The following TPH1 variants were observed in gnomAD, a reference collection of about 807,000 sequenced individuals.
The protein encoded by TPH1 is tryptophan 5-hydroxylase 1.
Under a neutral mutation model 49.5 loss-of-function variants are expected in TPH1, and 37 were observed. That is an observed-to-expected ratio of 0.75 (90% CI 0.58 to 0.98). TPH1 has a LOEUF of 0.98. Among genes scored for constraint, TPH1 ranks in the 50% least tolerant of loss-of-function variants. TPH1 has a pLI of 0.00. For missense variants in TPH1, 487 were observed against 523.6 expected (o/e 0.93, Z 0.68); for synonymous variants, 160 against 182.1 (o/e 0.88, Z 0.98).
At chr11:18,023,382 G>T (rs1854385507) in intron 9 of TPH1, among the ~76,000 whole-genome samples, 1 of 152,038 alleles carries the variant, frequency 6.6e-6, no homozygotes, top group South Asian at 2.1e-4. Flanking sequence ...AAATCTCAAA[G>T]AATTCCCTAG....
intron 6 of TPH1, among the ~76,000 whole-genome samples, chr11:18,028,462 T>G (rs1478635443): frequency 6.6e-6 from 1 of 152,228 alleles, no homozygotes; most frequent in Non-Finnish European, 1.5e-5. Context: ...GCCAAAAGCT[T>G]GAAGTTTCTA....
At chr11:18,040,952 A>C in intron 1 of TPH1, 164 bp from the exon 2 acceptor site, 1 of 579,348 alleles carries the variant, frequency 1.7e-6, no homozygotes, top group Non-Finnish European at 2.9e-6. Context: ...AGACCAAAAT[A>C]AGATACAACT....
chr11:18,029,156 G>C lies in TPH1; in HGVS notation c.667+9C>G, dbSNP rs746281225. 1 of 1,587,574 alleles carries C rather than the reference G, an allele frequency of 6.3e-7. No individual in the cohort carries two copies. Among genetic ancestry groups the C allele is most frequent in the South Asian group, 1.1e-5 (1 of 90,458 alleles). On this transcript the variant is annotated intron_variant, in intron 6 of 10. Coordinates refer to ENST00000682019, the MANE Select transcript of TPH1 (RefSeq NM_004179.3). ...CAACTCCCTTACAAAAAATTAATTAGCTTATTACCTTTTAAAAAGTTGGAG... is the reference window on the plus strand; with the variant it reads ...CAACTCCCTTACAAAAAATTAATTACCTTATTACCTTTTAAAAAGTTGGAG...
chr11:18,021,235 G>C, intron 10 of TPH1, 70 bp from the exon 11 acceptor site: 1 of 1,485,628 alleles, frequency 6.7e-7, no homozygotes, highest in Middle Eastern at 1.8e-4. Context: ...ACAAACAACA[G>C]AATATATTTC....
chr11:18,021,539 C>T (rs1320792909), intron 10 of TPH1, among the ~76,000 whole-genome samples: 2 of 152,124 alleles, frequency 1.3e-5, no homozygotes, highest in African/African-American at 4.8e-5. Flanking sequence ...TGTTTCATTA[C>T]AACACTTAAC....
intron 1 of TPH1, 41 bp from the exon 2 acceptor site, chr11:18,040,829 T>C (rs1363359247): frequency 2.6e-6 from 4 of 1,564,682 alleles, no homozygotes; most frequent in Non-Finnish European, 3.5e-6. Flanking sequence ...AAAAAGAAGT[T>C]GCACAATGCA....
chr11:18,037,687 T>C (rs1287897508), intron 2 of TPH1, among the ~76,000 whole-genome samples: 1 of 152,218 alleles, frequency 6.6e-6, no homozygotes. Flanking sequence ...AAAATCTCAA[T>C]GGAATTTGGT....
chr11:18,035,859 G>C (rs866780449), intron 3 of TPH1, 100 bp downstream of exon 3: 8 of 1,021,752 alleles, frequency 7.8e-6, no homozygotes, highest in Middle Eastern at 6.1e-4. Flanking sequence ...AATTTGGAGA[G>C]CTTGTGTTTT....
At chr11:18,045,930 C>T (rs571606235) in intron 1 of TPH1, among the ~76,000 whole-genome samples, 15 of 152,174 alleles carry the variant, frequency 9.9e-5, no homozygotes, top group Non-Finnish European at 2.1e-4. Flanking sequence ...ACTCTGGACC[C>T]CACTTTCCTC....
chr11:18,041,667 A>C (rs2134035856), intron 1 of TPH1, among the ~76,000 whole-genome samples: 1 of 152,362 alleles, frequency 6.6e-6, no homozygotes, highest in South Asian at 2.1e-4. Flanking sequence ...AAATTTAACT[A>C]ACATTTATGA....
rs775600685 is a variant in TPH1 at position 18,040,740 on chromosome 11, T to C, written c.23A>G (p.Asn8Ser). MIEDNKE[N>S]KDHSLERGRA... is the part of the protein sequence containing the mutation. The stretch of plus-strand genomic sequence containing the variant: ...TCCCCTTTCTAAGGAATGGTCTTTG[T>C]TCTCCTTATTGTCTTCAATCATGAT... The change falls in exon 2 of 11, where the codon AAC (asparagine) becomes AGC (serine). Residue 8 changes from asparagine (N) to serine (S), a missense_variant. Transcript: ENST00000682019. 6.2e-6 allele frequency: 10 copies of C among 1,612,380 alleles called. No homozygotes were observed. In the South Asian group the frequency reaches 9.9e-5, roughly 16 times the overall value.
At chr11:18,026,747 T>C in intron 6 of TPH1, 122 bp from the exon 7 acceptor site, 2 of 1,211,194 alleles carry the variant, frequency 1.7e-6, no homozygotes, top group East Asian at 2.5e-5. Flanking sequence ...CTATAATTTA[T>C]CATATGCATA....
Position 18,020,303 on chromosome 11 carries a change from A to G in TPH1, c.*688T>C, listed in dbSNP as rs1854344268. The G allele has an allele frequency of 6.5e-6, 1 of 153,490 alleles. No individual in the cohort carries two copies. The highest frequency in any genetic ancestry group is 1.4e-5 in the Non-Finnish European group (1 of 69,012). 9.5% of individuals were successfully genotyped at this position (153,490 alleles called of 1,614,324 possible). Reference sequence around the variant, plus strand: ...GGAAGGGGCTCCCTAATGCCTAAAAAATAAAGTCTCGAATTTTTAGCCTAG... The same window carrying G: ...GGAAGGGGCTCCCTAATGCCTAAAAGATAAAGTCTCGAATTTTTAGCCTAG... On this transcript the variant is annotated 3_prime_UTR_variant, in exon 11 of 11. Coordinates refer to ENST00000682019, the MANE Select transcript of TPH1 (RefSeq NM_004179.3).
At chr11:18,033,172 GA>G in intron 4 of TPH1, 101 bp downstream of exon 4, 1 of 902,508 alleles carries the variant, frequency 1.1e-6, no homozygotes, top group Non-Finnish European at 1.8e-6. Flanking sequence ...AGAATCACTT[GA>G]ACCCAAGAAG....
Position 18,022,839 on chromosome 11 carries a change from GT to G in TPH1, c.1118del (p.Tyr373SerfsTer14), listed in dbSNP as rs1229758629. The G allele has an allele frequency of 1.2e-5, 20 of 1,613,486 alleles. No homozygotes were observed. Among genetic ancestry groups the G allele is most frequent in the Non-Finnish European group, 1.7e-5 (20 of 1,179,574 alleles). ...ECLITTFQDV[Y>X]FVSESFEDAK... Reference sequence around the variant, plus strand: ...CATCTTCAAAACTTTCAGATACAAAGTAGACATCTTGAAAAGTTGTGATAAG... The same window carrying G: ...CATCTTCAAAACTTTCAGATACAAAGAGACATCTTGAAAAGTTGTGATAAG... On this transcript the variant is annotated frameshift_variant, in exon 10 of 11. Coordinates refer to ENST00000682019, the MANE Select transcript of TPH1 (RefSeq NM_004179.3). LOFTEE classifies it high-confidence loss of function.
At chr11:18,043,540 G>A (rs979344265) in intron 1 of TPH1, among the ~76,000 whole-genome samples, 6 of 152,186 alleles carry the variant, frequency 3.9e-5, no homozygotes, top group African/African-American at 1.4e-4. Context: ...AGGAGGCAGA[G>A]GTTGCAGGGA....
At chr11:18,045,281 G>C (rs1356453783) in intron 1 of TPH1, among the ~76,000 whole-genome samples, 2 of 152,206 alleles carry the variant, frequency 1.3e-5, no homozygotes, top group Non-Finnish European at 2.9e-5. Flanking sequence ...TGAAAGTGTA[G>C]ATGAAATACA....
intron 3 of TPH1, among the ~76,000 whole-genome samples, chr11:18,035,243 GACTT>G (rs1848032373): frequency 6.6e-6 from 1 of 152,180 alleles, no homozygotes; most frequent in African/African-American, 2.4e-5. Context: ...AGTCTTATGA[GACTT>G]ACTAAGTGCT....
At chr11:18,026,416 A>AAATAACCC in intron 7 of TPH1, 74 bp downstream of exon 7, 4 of 1,239,418 alleles carry the variant, frequency 3.2e-6, no homozygotes, top group Non-Finnish European at 4.5e-6. Flanking sequence ...AAAAAAAAAA[A>AAATAACCC]AGAACCCATA....
Sources: gnomAD v4.1 joint callset for allele counts (sites outside exome capture counted in the v4.1 genomes callset) on GRCh38, gnomAD v4.1.1 for gene constraint, MANE v1.5 for transcripts, NCBI Gene and HGNC (gene_info 2026-07-23, HGNC 2026-07-21) for gene names.